Variants in OMA1 observed in about 807,000 individuals in gnomAD.
OMA1 encodes the protein OMA1 zinc metallopeptidase.
In OMA1, 38 loss-of-function variants were observed where a neutral mutation model predicts 30.9. The ratio of observed to expected loss-of-function variants is 1.23; its 90% confidence interval spans 0.95 to 1.61. The LOEUF is 1.61. OMA1 is among the 40% of genes most tolerant of loss of function. The pLI is 0.00. For synonymous variants in OMA1, 173 were observed against 121.9 expected (o/e 1.42, Z -2.76); for missense variants, 461 against 349.2 (o/e 1.32, Z -2.55).
At chr1:58,496,615 G>A (rs940270311) in intron 8 of OMA1, among the ~76,000 whole-genome samples, 12 of 152,184 alleles carry the variant, frequency 7.9e-5, no homozygotes, top group African/African-American at 2.7e-4. Flanking sequence ...TCCTTGTGGA[G>A]TTATTAAAGG....
chr1:58,488,162 A>G (rs1184142079), intron 8 of OMA1, among the ~76,000 whole-genome samples: 1 of 152,200 alleles, frequency 6.6e-6, no homozygotes, highest in African/African-American at 2.4e-5. Flanking sequence ...ACATCATTAT[A>G]AAGTTCATTG....
In OMA1 at chr1:58,533,982, C is replaced by T. The variant is rs1359565971; in HGVS notation, c.982G>A (p.Glu328Lys). 2.3e-6 allele frequency: 2 copies of T among 871,930 alleles called. No homozygotes were observed. The highest frequency in any genetic ancestry group is 1.6e-5 in the African/African-American group (1 of 61,268). The allele number at this position is 871,930 out of a possible 1,614,324, so 54.0% of individuals were successfully genotyped here. ...IHQLSFLLGH[E>K]IAHAVLGHAA... The stretch of plus-strand genomic sequence containing the variant: ...TGCCCAAGTACTGCATGTGCTATTT[C>T]ATGGCCCAGAAGGAAAGAAAGTTGA... Residue 328 changes from glutamate (E) to lysine (K), a missense_variant, in exon 5 of 9, where the codon GAA becomes AAA. Transcript: ENST00000371226.
intron 2 of OMA1, among the ~76,000 whole-genome samples, chr1:58,538,297 G>A (rs773466125): frequency 6.6e-6 from 1 of 152,112 alleles, no homozygotes; most frequent in Non-Finnish European, 1.5e-5. Flanking sequence ...AGAATAGAAA[G>A]AAAAGAAGCA....
intron 8 of OMA1, among the ~76,000 whole-genome samples, chr1:58,501,695 C>A (rs1177023653): frequency 6.6e-6 from 1 of 152,162 alleles, no homozygotes; most frequent in Admixed American, 6.6e-5. Flanking sequence ...TTTTACACTG[C>A]TATTCCTGCA....
At chr1:58,526,050 G>T (rs1646344964) in intron 7 of OMA1, among the ~76,000 whole-genome samples, 1 of 152,036 alleles carries the variant, frequency 6.6e-6, no homozygotes, top group South Asian at 2.1e-4. Flanking sequence ...TTTAAAAATA[G>T]TAAAGTTTAT....
Position 58,534,292 on chromosome 1 carries a change from C to A in OMA1, c.769G>T (p.Asp257Tyr). The change falls in exon 4 of 9, where the codon GAT becomes TAT. Residue 257 changes from aspartate (D) to tyrosine (Y), a missense_variant. Coordinates refer to ENST00000371226, the MANE Select transcript of OMA1 (RefSeq NM_145243.5). ...TCTTTAACAGCCAGGTATCGGGCAT[C>A]TTTCTCAGTTAGCATATCATTTTTA... ...EFKNDMLTEK[D>Y]ARYLAVKEVL... 3 of 866,918 alleles carry A rather than the reference C, an allele frequency of 3.5e-6. No homozygotes were observed. Among genetic ancestry groups the A allele is most frequent in the Non-Finnish European group, 6.0e-6 (3 of 500,370 alleles). 53.7% of individuals were successfully genotyped at this position (866,918 alleles called of 1,614,324 possible). A position where few individuals can be genotyped will look rare whatever the true frequency, so the allele number is the denominator to read the frequency against.
chr1:58,482,282 A>G (rs933306560), intron 8 of OMA1, among the ~76,000 whole-genome samples: 2 of 152,200 alleles, frequency 1.3e-5, no homozygotes, highest in Non-Finnish European at 2.9e-5. Flanking sequence ...ATGTAGCAAC[A>G]TAAGCATGTT....
At chr1:58,500,914 A>C (rs1276385322) in intron 8 of OMA1, among the ~76,000 whole-genome samples, 1 of 152,206 alleles carries the variant, frequency 6.6e-6, no homozygotes, top group African/African-American at 2.4e-5. Flanking sequence ...GAAAAAAGTT[A>C]AATAAGGTGT....
At chr1:58,535,469 G>C (rs890497210) in intron 3 of OMA1, among the ~76,000 whole-genome samples, 1 of 151,832 alleles carries the variant, frequency 6.6e-6, no homozygotes, top group Non-Finnish European at 1.5e-5. Context: ...GGTGGCGCAC[G>C]CCTGTAGTCC....
At chr1:58,540,698 G>A (rs1646592852) in intron 1 of OMA1, among the ~76,000 whole-genome samples, 1 of 146,246 alleles carries the variant, frequency 6.8e-6, no homozygotes, top group African/African-American at 2.5e-5. Context: ...ATGAAATACA[G>A]AGAAAAAATA....
chr1:58,519,605 A>G (rs2100448746), intron 7 of OMA1, among the ~76,000 whole-genome samples: 1 of 152,342 alleles, frequency 6.6e-6, no homozygotes, highest in East Asian at 1.9e-4. Context: ...TTCAGAGCCA[A>G]CAGAACTGTT....
At chr1:58,495,284 A>G (rs1224413397) in intron 8 of OMA1, among the ~76,000 whole-genome samples, 1 of 151,924 alleles carries the variant, frequency 6.6e-6, no homozygotes, top group Admixed American at 6.6e-5. Flanking sequence ...TGGGAGGAGG[A>G]GGGAGGGATA....
chr1:58,524,920 T>G (rs762267993), intron 7 of OMA1, among the ~76,000 whole-genome samples: 3 of 152,212 alleles, frequency 2.0e-5, no homozygotes, highest in Non-Finnish European at 4.4e-5. Context: ...ATTAGTGTCT[T>G]CTGGTGTTTT....
intron 8 of OMA1, among the ~76,000 whole-genome samples, chr1:58,497,051 G>A (rs776717276): frequency 1.6e-4 from 24 of 152,144 alleles, no homozygotes; most frequent in Non-Finnish European, 2.6e-4. Flanking sequence ...CCAATGCAAA[G>A]CACTATGAAG....
At chr1:58,509,655 T>C (rs549818549) in intron 7 of OMA1, among the ~76,000 whole-genome samples, 2 of 139,850 alleles carry the variant, frequency 1.4e-5, no homozygotes, top group African/African-American at 5.2e-5. Context: ...ATAATAAAGA[T>C]TAGAGCATAA....
intron 6 of OMA1, among the ~76,000 whole-genome samples, chr1:58,528,565 G>C (rs1646386169): frequency 6.6e-6 from 1 of 152,164 alleles, no homozygotes; most frequent in Admixed American, 6.5e-5. Context: ...AGAGGAGGGA[G>C]AGCTACTGAC....
chr1:58,509,757 A>C (rs1646045823), intron 7 of OMA1, among the ~76,000 whole-genome samples: 1 of 151,822 alleles, frequency 6.6e-6, no homozygotes, highest in Admixed American at 6.6e-5. Context: ...CGTTAGAGTA[A>C]GAAAAAAAAA....
intron 8 of OMA1, among the ~76,000 whole-genome samples, chr1:58,485,429 A>G (rs779000350): frequency 6.6e-6 from 1 of 151,872 alleles, no homozygotes; most frequent in Non-Finnish European, 1.5e-5. Context: ...TAATTGCTAG[A>G]AACACTATAT....
At chr1:58,497,166 C>A (rs1168223898) in intron 8 of OMA1, among the ~76,000 whole-genome samples, 1 of 152,098 alleles carries the variant, frequency 6.6e-6, no homozygotes, top group African/African-American at 2.4e-5. Context: ...TCAAGTTAAT[C>A]CAGAATCTAC....
Sources: gnomAD v4.1 joint callset for allele counts (sites outside exome capture counted in the v4.1 genomes callset) on GRCh38, gnomAD v4.1.1 for gene constraint, MANE v1.5 for transcripts, NCBI Gene and HGNC (gene_info 2026-07-23, HGNC 2026-07-21) for gene names.